TMOD3: variants seen among roughly 807,000 people sequenced by gnomAD.
TMOD3 encodes tropomodulin-3.
A neutral mutation model predicts 39.2 loss-of-function variants in TMOD3; 20 were observed. That is an observed-to-expected ratio of 0.51 (90% CI 0.36 to 0.74). The LOEUF (loss-of-function observed/expected upper bound fraction) is 0.74. Among genes scored for constraint, TMOD3 ranks in the 30% least tolerant of loss-of-function variants. The pLI is 0.00. For missense variants in TMOD3, 381 were observed against 412.8 expected, an observed-to-expected ratio of 0.92 and a Z score of 0.67; for synonymous variants, 143 against 145.8, an observed-to-expected ratio of 0.98 and a Z score of 0.14.
chr15:51,869,100 T>G, intron 2 of TMOD3, 117 bp from the exon 3 acceptor site: 1 of 1,064,946 alleles, frequency 9.4e-7, no homozygotes, highest in Non-Finnish European at 1.3e-6. Flanking sequence ...TGCAATGAAG[T>G]GTTTAGTGCC....
At chr15:51,869,517 T>C (rs2056464504) in intron 3 of TMOD3, 144 bp downstream of exon 3, 1 of 757,354 alleles carries the variant, frequency 1.3e-6, no homozygotes, top group Admixed American at 3.4e-5. Flanking sequence ...TTTATTGGTT[T>C]AGATACTTTA....
chr15:51,836,977 A>G (rs2056287878), intron 1 of TMOD3, among the ~76,000 whole-genome samples: 1 of 152,148 alleles, frequency 6.6e-6, no homozygotes, highest in Non-Finnish European at 1.5e-5. Context: ...CATGAACATC[A>G]TGATAAGTAC....
intron 3 of TMOD3, among the ~76,000 whole-genome samples, chr15:51,877,642 T>C (rs890640785): frequency 1.3e-5 from 2 of 150,410 alleles, no homozygotes; most frequent in Admixed American, 6.6e-5. Context: ...ATTGCACCAC[T>C]GCACTCTAGC....
At chr15:51,848,393 C>T (rs1160220413) in intron 1 of TMOD3, among the ~76,000 whole-genome samples, 3 of 152,134 alleles carry the variant, frequency 2.0e-5, no homozygotes, top group African/African-American at 7.2e-5. Context: ...ACTGTCTTTA[C>T]CTTAGCCTTC....
At chr15:51,850,765 A>G (rs887931560) in intron 1 of TMOD3, among the ~76,000 whole-genome samples, 1 of 151,844 alleles carries the variant, frequency 6.6e-6, no homozygotes, top group Non-Finnish European at 1.5e-5. Flanking sequence ...GAGACGGAGT[A>G]TTGCTCTGTC....
chr15:51,898,678 T>C (rs2141706460), intron 7 of TMOD3, among the ~76,000 whole-genome samples: 1 of 152,356 alleles, frequency 6.6e-6, no homozygotes, highest in Non-Finnish European at 1.5e-5. Context: ...TTTTAGTATC[T>C]CTACGCCCTA....
intron 8 of TMOD3, 132 bp from the exon 9 acceptor site, chr15:51,901,760 A>G (rs2056652001): frequency 2.2e-6 from 2 of 890,510 alleles, no homozygotes; most frequent in Non-Finnish European, 3.4e-6. Flanking sequence ...CTACTGAACT[A>G]TGTATATGTT....
In TMOD3 at chr15:51,893,838, C is replaced by G. The variant is rs980793575; in HGVS notation, c.520C>G (p.Leu174Val). ...AGATGTGGTCAAAGGTGAAAAGATT[C>G]TTCCGGTATTTGATGAGCCACCAAA... ...FSNVVKGEKI[L>V]PVFDEPPNPT... The change falls in exon 6 of 10, where the codon CTT becomes GTT. Residue 174 changes from leucine (L) to valine (V), a missense_variant. By Grantham distance (32) the Leu-to-Val change is conservative. Transcript: ENST00000308580. 1 of 1,605,788 alleles carries G rather than the reference C, an allele frequency of 6.2e-7. No homozygotes were observed. The highest frequency in any genetic ancestry group is 8.5e-7 in the Non-Finnish European group (1 of 1,174,888).
chr15:51,875,367 T>C (rs142996242), intron 3 of TMOD3: 1 of 152,352 alleles, frequency 6.6e-6, no homozygotes, highest in Non-Finnish European at 1.5e-5. Context: ...CTGAAGCTGA[T>C]ATTTGAAATG....
rs114649696 is a variant in TMOD3, at chr15:51,872,574, A to G, written c.283+3201A>G. On this transcript the variant is annotated intron_variant, in intron 3 of 9. Coordinates refer to ENST00000308580, the MANE Select transcript of TMOD3 (RefSeq NM_014547.5). ...TCCGGGCATCTGGCATGCCTATGTC[A>G]TATATTTTTTGTGAGGACCAAATTT... Among the ~76,000 whole-genome samples the G allele has an allele frequency of 3.6e-3, 530 of 148,150 alleles. 1 individual carries two copies. The highest frequency in any genetic ancestry group is 0.013 in the African/African-American group (507 of 40,396).
At chr15:51,878,376 A>ATGTGTGTGTGTGTGTGTG (rs10586896) in intron 3 of TMOD3, among the ~76,000 whole-genome samples, 2,280 of 147,376 alleles carry the variant, frequency 0.015, 36 homozygotes, top group African/African-American at 0.032. Context: ...TTTAAAATAT[A>ATGTGTGTGTGTGTGTGTG]TGTGTGTGTG....
At chr15:51,902,648 T>G (rs1447415352) in intron 9 of TMOD3, among the ~76,000 whole-genome samples, 10 of 121,764 alleles carry the variant, frequency 8.2e-5, no homozygotes, top group Non-Finnish European at 1.1e-4. Flanking sequence ...TTTTGTATTT[T>G]TTTTTTTTTT....
intron 1 of TMOD3, among the ~76,000 whole-genome samples, chr15:51,848,373 T>C (rs2056346117): frequency 6.6e-6 from 1 of 152,206 alleles, no homozygotes; most frequent in South Asian, 2.1e-4. Flanking sequence ...ATCCCAAGAA[T>C]ACATAGATGA....
chr15:51,843,944 C>T lies in TMOD3; in HGVS notation c.-75+14108C>T, dbSNP rs115302330. Among the ~76,000 whole-genome samples the T allele has an allele frequency of 6.9e-3, 1,041 of 151,336 alleles. 13 individuals carry two copies. Among genetic ancestry groups the T allele is most frequent in the African/African-American group, 0.024 (1,007 of 41,238 alleles). On this transcript the variant is annotated intron_variant, in intron 1 of 9. Transcript: ENST00000308580. The stretch of plus-strand genomic sequence containing the variant: ...AATTCTAATATGACTGTATGATGGC[C>T]GATGGTTCTTATTTTGTTTTTTCTA...
chr15:51,875,636 G>A (rs1213676944), intron 3 of TMOD3, among the ~76,000 whole-genome samples: 2 of 120,848 alleles, frequency 1.7e-5, no homozygotes, highest in Non-Finnish European at 3.3e-5. Flanking sequence ...TTTTTCCTGA[G>A]ACAGAGTCTT....
intron 3 of TMOD3, among the ~76,000 whole-genome samples, chr15:51,876,462 C>T (rs576079160): frequency 1.1e-3 from 144 of 135,174 alleles, no homozygotes; most frequent in Middle Eastern, 4.2e-3. Context: ...GTGCACCCAG[C>T]GCTTTTTTTT....
chr15:51,853,063 TA>T (rs2056370289), intron 1 of TMOD3, among the ~76,000 whole-genome samples: 1 of 152,176 alleles, frequency 6.6e-6, no homozygotes, highest in Non-Finnish European at 1.5e-5. Context: ...AAAAAAGACT[TA>T]TACGTAAGCC....
At chr15:51,848,549 T>C (rs995949610) in intron 1 of TMOD3, among the ~76,000 whole-genome samples, 1 of 152,186 alleles carries the variant, frequency 6.6e-6, no homozygotes, top group African/African-American at 2.4e-5. Context: ...TTTTGAACCA[T>C]GCCAAACAGA....
chr15:51,838,119 C>G (rs897454564), intron 1 of TMOD3, among the ~76,000 whole-genome samples: 1 of 152,070 alleles, frequency 6.6e-6, no homozygotes, highest in African/African-American at 2.4e-5. Context: ...GCTCCTTTCC[C>G]TTTACTTTTC....
Sources: gnomAD v4.1 joint callset for allele counts (sites outside exome capture counted in the v4.1 genomes callset) on GRCh38, gnomAD v4.1.1 for gene constraint, MANE v1.5 for transcripts, NCBI Gene and HGNC (gene_info 2026-07-23, HGNC 2026-07-21) for gene names.